ZNF831: variants seen among roughly 807,000 people sequenced by gnomAD.
ZNF831 encodes chromosome 20 open reading frame 174.
ZNF831 carries 59 observed loss-of-function variants against 95.8 expected under a neutral mutation model. The observed-to-expected ratio is 0.62, with a 90% confidence interval of 0.50 to 0.77. ZNF831 has a LOEUF of 0.77. ZNF831 is among the 30% of genes least tolerant of loss of function. ZNF831 has a pLI of 0.00. For missense variants in ZNF831, 2,205 were observed against 2,164.0 expected (o/e 1.02, Z -0.38); for synonymous variants, 961 against 925.5 (o/e 1.04, Z -0.70).
At chr20:59,233,039 CACACAT>C (rs1986815714) in intron 4 of ZNF831, among the ~76,000 whole-genome samples, 5 of 131,438 alleles carry the variant, frequency 3.8e-5, no homozygotes, top group Non-Finnish European at 4.7e-5. Flanking sequence ...CACACACACA[CACACAT>C]AGAGAGAGAG....
Position 59,254,366 on chromosome 20 carries a change from A to G in ZNF831, c.4657A>G (p.Ile1553Val), listed in dbSNP as rs1988069786. 6.2e-7 allele frequency: 1 copy of G among 1,614,126 alleles called. No individual in the cohort carries two copies. The highest frequency in any genetic ancestry group is 1.1e-5 in the South Asian group (1 of 91,086). The change falls in exon 6 of 6, where the codon ATT becomes GTT. Residue 1553 changes from isoleucine to valine, a missense_variant. Coordinates refer to ENST00000371030, the MANE Select transcript of ZNF831 (RefSeq NM_178457.3). This position sits in a 1 kb window ranked among gnomAD's most constrained non-coding sequence, Gnocchi z 4.5. ...AGGGAGACCTTCATCTGGACAAAGA[A>G]TTTCAGATTCGGTTCCACTGGAGTC... ...LPGRPSSGQR[I>V]SDSVPLESTE...
At chr20:59,183,232 C>T (rs1298084879) in intron 1 of ZNF831, among the ~76,000 whole-genome samples, 2 of 152,194 alleles carry the variant, frequency 1.3e-5, no homozygotes, top group Non-Finnish European at 2.9e-5. Flanking sequence ...GGGACAAAGG[C>T]CACCTTGGAG....
chr20:59,191,638 G>C lies in ZNF831; in HGVS notation c.619G>C (p.Glu207Gln), dbSNP rs200054947. ...CAACTCCCGGCTGTCCTCAGAGTCC[G>C]AGGGCGCCGGGGGCGGCCTCCTGGA... ...LNNSRLSSES[E>Q]GAGGGLLEEG... Residue 207 changes from glutamate to glutamine, a missense_variant, in exon 2 of 6, where the codon GAG (glutamate) becomes CAG (glutamine). Glu to Gln is a conservative substitution (Grantham distance 29). Transcript: ENST00000371030. 6.4e-7 allele frequency: 1 copy of C among 1,571,876 alleles called. No individual in the cohort carries two copies. Among genetic ancestry groups the C allele is most frequent in the Non-Finnish European group, 8.6e-7 (1 of 1,158,024 alleles).
rs2146553168 is a variant in ZNF831 at position 59,191,755 on chromosome 20, C to G, written c.736C>G (p.Leu246Val). Residue 246 changes from leucine (L) to valine (V), a missense_variant, in exon 2 of 6, where the codon CTT (leucine) becomes GTT (valine). By Grantham distance (32) the Leu-to-Val change is conservative. Coordinates refer to ENST00000371030, the MANE Select transcript of ZNF831 (RefSeq NM_178457.3). ...GMHEGASERP[L>V]SPGAHVPLLA... ...GCACGAAGGCGCCTCGGAGAGACCC[C>G]TTTCTCCGGGTGCCCACGTGCCCCT... 1 of 1,607,230 alleles carries G rather than the reference C, an allele frequency of 6.2e-7. No homozygotes were observed. The highest frequency in any genetic ancestry group is 8.5e-7 in the Non-Finnish European group (1 of 1,176,476).
At chr20:59,245,720 C>A (rs773898604) in intron 4 of ZNF831, among the ~76,000 whole-genome samples, 1 of 152,176 alleles carries the variant, frequency 6.6e-6, no homozygotes, top group African/African-American at 2.4e-5. Flanking sequence ...AAAGACTGTT[C>A]CTGGGCAGTT....
intron 4 of ZNF831, among the ~76,000 whole-genome samples, chr20:59,245,096 A>C (rs908068685): frequency 5.3e-5 from 8 of 152,264 alleles, no homozygotes; most frequent in African/African-American, 1.9e-4. Context: ...CAAGAGAGCA[A>C]ACAAAGCCAC....
chr20:59,253,221 T>C (rs1229503858), intron 5 of ZNF831, 83 bp downstream of exon 5: 4 of 1,498,484 alleles, frequency 2.7e-6, no homozygotes, highest in East Asian at 4.6e-5. Flanking sequence ...TCTTGTTCAG[T>C]GTGGCAGAAC....
intron 1 of ZNF831, among the ~76,000 whole-genome samples, chr20:59,142,034 T>G (rs1342435452): frequency 6.6e-6 from 1 of 152,126 alleles, no homozygotes; most frequent in East Asian, 1.9e-4. Context: ...GTGGTGTCTG[T>G]GTGGCCCCAC....
At chr20:59,207,975 C>T (rs1373827226) in intron 4 of ZNF831, among the ~76,000 whole-genome samples, 2 of 152,240 alleles carry the variant, frequency 1.3e-5, no homozygotes, top group Non-Finnish European at 2.9e-5. Context: ...GAGTGCTCTC[C>T]CCACACCTCT....
chr20:59,153,912 T>A (rs145435728), intron 2 of ZNF831, among the ~76,000 whole-genome samples: 128 of 152,302 alleles, frequency 8.4e-4, no homozygotes, highest in African/African-American at 3.0e-3. Context: ...GCCTGACGTA[T>A]AAACCAGTCA....
Position 59,139,491 on chromosome 20 carries a change from T to G in ZNF831, c.-1424-6740T>G, listed in dbSNP as rs77544394. ...GCTCTTAGAGTCCACAGTGTGCTAT[T>G]CAGGCCATGACACAGGTGAATTACC... On this transcript the variant is annotated intron_variant, in intron 1 of 7. Coordinates refer to the ZNF831 transcript ENST00000637017. Among the ~76,000 whole-genome samples, 996 of 152,296 alleles carry G rather than the reference T, an allele frequency of 6.5e-3. 11 individuals carry two copies. Among genetic ancestry groups the G allele is most frequent in the African/African-American group, 0.022 (930 of 41,550 alleles).
intron 2 of ZNF831, among the ~76,000 whole-genome samples, chr20:59,149,973 G>A (rs531879376): frequency 1.3e-5 from 2 of 152,352 alleles, no homozygotes; most frequent in African/African-American, 4.8e-5. Context: ...GCCCCGCCAT[G>A]GCCCGCCTTT....
chr20:59,194,907 C>T (rs194869), intron 2 of ZNF831, 150 bp downstream of exon 2: 243,622 of 1,145,306 alleles, frequency 0.21, 27,774 homozygotes, highest in African/African-American at 0.33. Context: ...GGGGATACCA[C>T]ATAGACAGCA....
At chr20:59,163,667 GT>G (rs11478127), upstream of ZNF831, among the ~76,000 whole-genome samples, 1,211 of 150,272 alleles carry the variant, frequency 8.1e-3, 16 homozygotes, top group African/African-American at 0.028. Flanking sequence ...CTCTTTATAG[GT>G]TGTTAGGTCA....
chr20:59,231,700 T>C (rs1986730922), intron 4 of ZNF831, among the ~76,000 whole-genome samples: 1 of 152,030 alleles, frequency 6.6e-6, no homozygotes, highest in South Asian at 2.1e-4. Flanking sequence ...ACATTTCTGT[T>C]TGAAACCTCT....
intron 1 of ZNF831, among the ~76,000 whole-genome samples, chr20:59,185,415 C>G (rs546810465): frequency 1.3e-5 from 2 of 152,246 alleles, no homozygotes; most frequent in African/African-American, 4.8e-5. Context: ...AAGCCCCAAG[C>G]CTCCCACCCT....
intron 4 of ZNF831, among the ~76,000 whole-genome samples, chr20:59,228,038 G>A (rs1986523722): frequency 6.6e-6 from 1 of 152,038 alleles, no homozygotes; most frequent in Admixed American, 6.5e-5. Flanking sequence ...ATAAAAATAT[G>A]CATATTAATC....
intron 1 of ZNF831, among the ~76,000 whole-genome samples, chr20:59,132,921 T>G (rs1287752428): frequency 6.6e-6 from 1 of 152,280 alleles, no homozygotes; most frequent in Non-Finnish European, 1.5e-5. Context: ...TGACCACAGC[T>G]GGAAGCTTCT....
intron 4 of ZNF831, among the ~76,000 whole-genome samples, chr20:59,220,814 T>C (rs1986028194): frequency 6.6e-6 from 1 of 152,182 alleles, no homozygotes. Context: ...TCAGCCTCCT[T>C]TGAGGCCAAG....
Sources: gnomAD v4.1 joint callset for allele counts (sites outside exome capture counted in the v4.1 genomes callset) on GRCh38, gnomAD v4.1.1 for gene constraint, Gnocchi (gnomAD v3.1) non-coding constraint, MANE v1.5 for transcripts, NCBI Gene and HGNC (gene_info 2026-07-23, HGNC 2026-07-21) for gene names.